SLC5A10: variants seen among roughly 807,000 people sequenced by gnomAD.
SLC5A10 encodes the protein sodium/mannose cotransporter SLC5A10.
Under a neutral mutation model 68.9 loss-of-function variants are expected in SLC5A10, and 55 were observed. That is an observed-to-expected ratio of 0.80 (90% CI 0.64 to 1.00). The LOEUF (loss-of-function observed/expected upper bound fraction) is 1.00. Ranked by LOEUF, SLC5A10 falls within the 50% of genes least tolerant of loss-of-function variation. The pLI, the probability that SLC5A10 is intolerant of heterozygous loss-of-function variation, is 0.00. For missense variants in SLC5A10, 732 were observed against 819.3 expected, an observed-to-expected ratio of 0.89 and a Z score of 1.30; for synonymous variants, 344 against 344.8, an observed-to-expected ratio of 1.00 and a Z score of 0.02.
At position 18,996,098 on chromosome 17, in the gene SLC5A10, C is replaced by A. The variant is rs1166876725; in HGVS notation, c.983-17312C>A. Among the ~76,000 whole-genome samples, 4 of 150,964 alleles carry A rather than the reference C, an allele frequency of 2.6e-5. No homozygotes were observed. Among genetic ancestry groups the A allele is most frequent in the African/African-American group, 7.3e-5 (3 of 40,872 alleles). On this transcript the variant is annotated intron_variant, in intron 9 of 14. Transcript: ENST00000395645. The surrounding 1 kb of genome is among the most constrained non-coding windows in gnomAD (Gnocchi z 4.4). ...GACTTCTCATCAGAATCACTGCAAG[C>A]CACAAGACAACAGGCAATATCTTTA... is the stretch of plus-strand genomic sequence containing the variant.
At position 19,019,759 on chromosome 17, in the gene SLC5A10, G is replaced by T; in HGVS notation, c.1457G>T (p.Arg486Met). The change falls in exon 13 of 15, where the codon AGG becomes ATG. Residue 486 changes from arginine (R) to methionine (M), a missense_variant. Coordinates refer to ENST00000395645, the MANE Select transcript of SLC5A10 (RefSeq NM_001042450.4). Reference sequence around the variant, plus strand: ...GCAGGGCTGGTGGTGGGGGCCACGAGGCTGGTCCTGGAATTCCTGAACCCA... The same window carrying T: ...GCAGGGCTGGTGGTGGGGGCCACGATGCTGGTCCTGGAATTCCTGAACCCA... ...LIAGLVVGAT[R>M]LVLEFLNPAP... is the part of the protein sequence containing the mutation. 1 of 1,612,766 alleles carries T rather than the reference G, an allele frequency of 6.2e-7. No homozygotes were observed. The highest frequency in any genetic ancestry group is 8.5e-7 in the Non-Finnish European group (1 of 1,179,788).
chr17:18,984,252 T>G (rs1298349753), intron 9 of SLC5A10, among the ~76,000 whole-genome samples: 38 of 139,538 alleles, frequency 2.7e-4, no homozygotes, highest in Middle Eastern at 8.1e-3. Flanking sequence ...TGAAGCAGGA[T>G]AATGGCACGA....
chr17:18,987,833 T>C (rs182256592), intron 9 of SLC5A10, among the ~76,000 whole-genome samples: 3 of 152,336 alleles, frequency 2.0e-5, no homozygotes, highest in African/African-American at 7.2e-5. Flanking sequence ...AGATTTGGGC[T>C]TAACCCAAGA....
chr17:18,979,134 G>A (rs79150252), intron 9 of SLC5A10: 16 of 521,774 alleles, frequency 3.1e-5, no homozygotes, highest in African/African-American at 7.6e-5. Context: ...CCTGGACACT[G>A]TGGGGGGTTC....
intron 10 of SLC5A10, 77 bp from the exon 11 acceptor site, chr17:19,014,972 A>T: frequency 6.5e-7 from 1 of 1,531,206 alleles, no homozygotes; most frequent in Non-Finnish European, 8.9e-7. Flanking sequence ...GGCCTCAGGC[A>T]TTAGAGCCCA....
intron 5 of SLC5A10, among the ~76,000 whole-genome samples, chr17:18,963,811 T>A (rs991629071): frequency 3.3e-5 from 5 of 152,180 alleles, no homozygotes; most frequent in Non-Finnish European, 7.4e-5. Context: ...CCCAGCTCCA[T>A]CATTGTGGGG....
intron 8 of SLC5A10, among the ~76,000 whole-genome samples, chr17:18,974,880 G>T (rs2042942063): frequency 6.6e-6 from 1 of 152,108 alleles, no homozygotes; most frequent in African/African-American, 2.4e-5. Flanking sequence ...GGGAGGTGGG[G>T]GTGAGCAGTG....
Position 19,003,914 on chromosome 17 carries a change from C to G in SLC5A10, c.983-9496C>G, listed in dbSNP as rs760306747. 1.9e-6 allele frequency: 3 copies of G among 1,612,856 alleles called. No individual in the cohort carries two copies. Among genetic ancestry groups the G allele is most frequent in the African/African-American group, 2.7e-5 (2 of 74,922 alleles). ...CTTGAGCACCTCGTAGAAGGCGTCC[C>G]GGCCGCGGGCCACCAGGGCCTCCAG... is the stretch of plus-strand genomic sequence containing the variant. On this transcript the variant is annotated intron_variant, in intron 9 of 14. Coordinates refer to ENST00000395645, the MANE Select transcript of SLC5A10 (RefSeq NM_001042450.4). This position sits in a 1 kb window ranked among gnomAD's most constrained non-coding sequence, Gnocchi z 4.5.
intron 1 of SLC5A10, among the ~76,000 whole-genome samples, chr17:18,955,096 A>AC (rs1187778013): frequency 8.0e-5 from 12 of 150,762 alleles, no homozygotes; most frequent in African/African-American, 2.9e-4. Context: ...AAAAAAAAAA[A>AC]AAAAAAAAAA....
At chr17:19,016,531 C>G (rs2044144667) in intron 11 of SLC5A10, among the ~76,000 whole-genome samples, 1 of 152,202 alleles carries the variant, frequency 6.6e-6, no homozygotes, top group Non-Finnish European at 1.5e-5. Flanking sequence ...GGGCACCCAT[C>G]CTGGGGGTGG....
At chr17:18,991,761 C>T (rs2043431789) in intron 9 of SLC5A10, among the ~76,000 whole-genome samples, 1 of 152,188 alleles carries the variant, frequency 6.6e-6, no homozygotes, top group Non-Finnish European at 1.5e-5. Flanking sequence ...CTGCGCAGGC[C>T]ACACAGCCCA....
intron 1 of SLC5A10, among the ~76,000 whole-genome samples, chr17:18,957,943 C>T (rs560441660): frequency 6.6e-6 from 1 of 152,330 alleles, no homozygotes; most frequent in Admixed American, 6.5e-5. Flanking sequence ...TATAAATTTG[C>T]CTGTTCTGGA....
In SLC5A10 at chr17:19,022,251, C is replaced by T. The variant is rs941981192; in HGVS notation, c.*1820C>T. 1.7e-5 allele frequency: 10 copies of T among 576,956 alleles called. No individual in the cohort carries two copies. Among genetic ancestry groups the T allele is most frequent in the South Asian group, 8.1e-5 (3 of 37,188 alleles). The allele number at this position is 576,956 out of a possible 1,614,324, so 35.7% of individuals were successfully genotyped here. On this transcript the variant is annotated 3_prime_UTR_variant, in exon 15 of 15. Transcript: ENST00000395645. ...ATTTGCCACAGGTGAGGAGGGGTCT[C>T]GGGCAGCACCGGAGTTGAACTTTAA...
chr17:19,019,291 G>C (rs974904527), intron 11 of SLC5A10, 132 bp from the exon 12 acceptor site: 2 of 1,131,290 alleles, frequency 1.8e-6, no homozygotes, highest in Non-Finnish European at 2.5e-6. Context: ...GTGTGGACCA[G>C]AGTCCAGGGA....
chr17:18,982,666 A>G (rs1399693979), intron 9 of SLC5A10, among the ~76,000 whole-genome samples: 2 of 152,098 alleles, frequency 1.3e-5, no homozygotes, highest in African/African-American at 4.8e-5. Context: ...GGGGCAAACT[A>G]CAGCAACCTG....
In SLC5A10 at chr17:19,003,782, G is replaced by A. The variant is rs1235991381; in HGVS notation, c.983-9628G>A. On this transcript the variant is annotated intron_variant, in intron 9 of 14. Coordinates refer to ENST00000395645, the MANE Select transcript of SLC5A10 (RefSeq NM_001042450.4). The surrounding 1 kb of genome is among the most constrained non-coding windows in gnomAD (Gnocchi z 4.5). ...GACCCCATTGTCCTCGGGCCCCTGA[G>A]AGGGGCCCGTGCCCCGAGGGTCCTC... 2 of 1,611,638 alleles carry A rather than the reference G, an allele frequency of 1.2e-6. No individual in the cohort carries two copies. Among genetic ancestry groups the A allele is most frequent in the Non-Finnish European group, 1.7e-6 (2 of 1,179,318 alleles).
At chr17:19,005,039 G>GC (rs960140238) in intron 9 of SLC5A10, among the ~76,000 whole-genome samples, 1 of 152,212 alleles carries the variant, frequency 6.6e-6, no homozygotes, top group African/African-American at 2.4e-5. Context: ...ACCCCCCTGT[G>GC]CCCCCAGGGT....
At chr17:18,960,066 G>A (rs558108584) in intron 4 of SLC5A10, among the ~76,000 whole-genome samples, 79 of 152,188 alleles carry the variant, frequency 5.2e-4, no homozygotes, top group Middle Eastern at 3.4e-3. Context: ...CACCTGGGCC[G>A]CACAATTGGC....
chr17:19,014,925 C>G (rs1249289971), intron 10 of SLC5A10, 124 bp from the exon 11 acceptor site: 1 of 1,195,822 alleles, frequency 8.4e-7, no homozygotes, highest in Non-Finnish European at 1.2e-6. Context: ...TCTCCCTCCC[C>G]GCCCTCTGCC....
Sources: gnomAD v4.1 joint callset for allele counts (sites outside exome capture counted in the v4.1 genomes callset) on GRCh38, gnomAD v4.1.1 for gene constraint, Gnocchi (gnomAD v3.1) non-coding constraint, MANE v1.5 for transcripts, NCBI Gene and HGNC (gene_info 2026-07-23, HGNC 2026-07-21) for gene names.